Variants in MFHAS1 observed in about 807,000 individuals in gnomAD.
MFHAS1 encodes multifunctional ROCO family signaling regulator 1, also known as malignant fibrous histiocytoma-amplified sequence 1.
In MFHAS1, 50 loss-of-function variants were observed where a neutral mutation model predicts 70.4. The ratio of observed to expected loss-of-function variants is 0.71; its 90% CI spans 0.57 to 0.90. The LOEUF is 0.90. Among genes scored for constraint, MFHAS1 ranks in the 40% least tolerant of loss-of-function variants. The pLI, the probability that MFHAS1 is intolerant of heterozygous loss-of-function variation, is 0.00. For missense variants in MFHAS1, 1,795 were observed against 1,347.6 expected, an observed-to-expected ratio of 1.33 and a Z score of -5.20; for synonymous variants, 952 against 620.0, an observed-to-expected ratio of 1.54 and a Z score of -7.96.
At chr8:8,790,792 T>C (rs76949235) in intron 2 of MFHAS1, among the ~76,000 whole-genome samples, 1,961 of 152,278 alleles carry the variant, frequency 0.013, 48 homozygotes, top group African/African-American at 0.045. Context: ...GCCTGTTTAT[T>C]TGGTGATATA....
At chr8:8,849,763 TC>T (rs1456621678) in intron 1 of MFHAS1, among the ~76,000 whole-genome samples, 5 of 152,252 alleles carry the variant, frequency 3.3e-5, no homozygotes, top group Non-Finnish European at 7.3e-5. Flanking sequence ...AGCTTTACTT[TC>T]TAGCAAGGGC....
chr8:8,850,083 T>A (rs1808184776), intron 1 of MFHAS1, among the ~76,000 whole-genome samples: 1 of 152,216 alleles, frequency 6.6e-6, no homozygotes, highest in Non-Finnish European at 1.5e-5. Context: ...TTTGTATGAT[T>A]CTTGACTAGG....
At chr8:8,798,030 T>C (rs762956054) in intron 1 of MFHAS1, among the ~76,000 whole-genome samples, 2 of 152,212 alleles carry the variant, frequency 1.3e-5, no homozygotes, top group Non-Finnish European at 2.9e-5. Context: ...ATTGCCCTGA[T>C]AGGTATGTGT....
intron 1 of MFHAS1, among the ~76,000 whole-genome samples, chr8:8,834,640 T>C (rs1807532811): frequency 6.6e-6 from 1 of 152,230 alleles, no homozygotes; most frequent in Non-Finnish European, 1.5e-5. Context: ...GGTTGTAACA[T>C]GTAAGTTATG....
chr8:8,875,838 C>T (rs775926078), intron 1 of MFHAS1, among the ~76,000 whole-genome samples: 2 of 152,176 alleles, frequency 1.3e-5, no homozygotes, highest in African/African-American at 4.8e-5. Flanking sequence ...CCGCCCGCCT[C>T]GGCCTCCCAA....
intron 1 of MFHAS1, among the ~76,000 whole-genome samples, chr8:8,831,432 C>G (rs919463659): frequency 6.6e-6 from 1 of 152,044 alleles, no homozygotes; most frequent in Non-Finnish European, 1.5e-5. Context: ...TACAGCCATA[C>G]TACCTGATCT....
chr8:8,824,831 C>T (rs1392570395), intron 1 of MFHAS1, among the ~76,000 whole-genome samples: 2 of 152,186 alleles, frequency 1.3e-5, no homozygotes, highest in Admixed American at 1.3e-4. Flanking sequence ...GGAGGCAAGG[C>T]CCCAAGGAAC....
chr8:8,806,004 G>A (rs1291823528), intron 1 of MFHAS1, among the ~76,000 whole-genome samples: 1 of 151,224 alleles, frequency 6.6e-6, no homozygotes, highest in Non-Finnish European at 1.5e-5. Context: ...CTGGCCGTTT[G>A]GGGGTTTGTT....
intron 1 of MFHAS1, among the ~76,000 whole-genome samples, chr8:8,829,831 C>T (rs919852953): frequency 3.9e-5 from 6 of 152,148 alleles, no homozygotes; most frequent in Admixed American, 2.6e-4. Context: ...AAAAAAGAGA[C>T]TTGAACAGAA....
intron 1 of MFHAS1, among the ~76,000 whole-genome samples, chr8:8,880,859 A>G (rs960855114): frequency 5.3e-5 from 8 of 151,702 alleles, no homozygotes; most frequent in Non-Finnish European, 1.0e-4. Context: ...TAATTTTTGT[A>G]TTTTTAGTAG....
Position 8,858,259 on chromosome 8 carries a change from T to C in MFHAS1, c.2998+31802A>G, listed in dbSNP as rs113293145. Among the ~76,000 whole-genome samples, 187 of 152,326 alleles carry C rather than the reference T, an allele frequency of 1.2e-3. 1 individual carries two copies. Among genetic ancestry groups the C allele is most frequent in the African/African-American group, 4.4e-3 (182 of 41,576 alleles). Reference sequence around the variant, plus strand: ...GTCTTAGGCATTTTTATATGCATTATTTTATTCAGTCCTTACAAGAGCTGT... The same window carrying C: ...GTCTTAGGCATTTTTATATGCATTACTTTATTCAGTCCTTACAAGAGCTGT... On this transcript the variant is annotated intron_variant, in intron 1 of 2. Coordinates refer to ENST00000276282, the MANE Select transcript of MFHAS1 (RefSeq NM_004225.3).
At chr8:8,827,606 T>C (rs1807210255) in intron 1 of MFHAS1, among the ~76,000 whole-genome samples, 1 of 152,264 alleles carries the variant, frequency 6.6e-6, no homozygotes, top group South Asian at 2.1e-4. Context: ...AAGACTTCTT[T>C]CCATGTGAAA....
In MFHAS1 at chr8:8,785,926, A is replaced by G; in HGVS notation, c.*96T>C. 7.6e-7 allele frequency: 1 copy of G among 1,316,248 alleles called. No homozygotes were observed. The highest frequency in any genetic ancestry group is 1.1e-6 in the Non-Finnish European group (1 of 910,940). The allele number at this position is 1,316,248 out of a possible 1,614,324, so 81.5% of individuals were successfully genotyped here. A position where few individuals can be genotyped will look rare whatever the true frequency, so the allele number is the denominator to read the frequency against. On this transcript the variant is annotated 3_prime_UTR_variant, in exon 3 of 3. Transcript: ENST00000276282. The stretch of plus-strand genomic sequence containing the variant: ...GCGTTGTCACTCAAGTTCACAGAAC[A>G]CGCTGGGGTGAGTGCAGAGGGTCTG...
chr8:8,880,325 G>A (rs910501500), intron 1 of MFHAS1, among the ~76,000 whole-genome samples: 2 of 152,230 alleles, frequency 1.3e-5, no homozygotes, highest in African/African-American at 4.8e-5. Flanking sequence ...GCTTGGCTGA[G>A]ATGTGGCAGG....
At chr8:8,820,492 T>C (rs913278750) in intron 1 of MFHAS1, among the ~76,000 whole-genome samples, 2 of 152,236 alleles carry the variant, frequency 1.3e-5, no homozygotes, top group Non-Finnish European at 2.9e-5. Flanking sequence ...TTTATTCACT[T>C]GATCTCAATG....
chr8:8,853,887 C>T (rs967947344), intron 1 of MFHAS1, among the ~76,000 whole-genome samples: 1 of 152,194 alleles, frequency 6.6e-6, no homozygotes, highest in East Asian at 1.9e-4. Context: ...GGTTATCCAA[C>T]TGTTGTAGGT....
intron 1 of MFHAS1, among the ~76,000 whole-genome samples, chr8:8,848,238 C>CT (rs1238189706): frequency 6.6e-6 from 1 of 152,162 alleles, no homozygotes; most frequent in East Asian, 1.9e-4. Context: ...GTTCTCATCT[C>CT]TTTAATCATT....
intron 1 of MFHAS1, among the ~76,000 whole-genome samples, chr8:8,852,206 G>T (rs12545049): frequency 0.011 from 1,665 of 152,214 alleles, 29 homozygotes; most frequent in Admixed American, 0.041. Context: ...GTCCAGGTGC[G>T]GTGACTCACA....
chr8:8,832,562 C>T (rs1210125912), intron 1 of MFHAS1, among the ~76,000 whole-genome samples: 2 of 151,538 alleles, frequency 1.3e-5, no homozygotes, highest in South Asian at 2.1e-4. Flanking sequence ...CACTAGAATG[C>T]CTGCAATTAA....
Sources: gnomAD v4.1 joint callset for allele counts (sites outside exome capture counted in the v4.1 genomes callset) on GRCh38, gnomAD v4.1.1 for gene constraint, MANE v1.5 for transcripts, NCBI Gene and HGNC (gene_info 2026-07-23, HGNC 2026-07-21) for gene names.